Variants in UNC79 observed in about 807,000 individuals in gnomAD.
UNC79 encodes unc-79 subunit of NALCN channel complex.
Under a neutral mutation model 283.1 loss-of-function variants are expected in UNC79, and 37 were observed. The ratio of observed to expected loss-of-function variants is 0.13; its 90% CI spans 0.10 to 0.17. UNC79 has a LOEUF of 0.17. UNC79 is among the 10% of genes least tolerant of loss of function. UNC79 has a pLI of 1.00. For synonymous variants in UNC79, 1,107 were observed against 1,200.2 expected (o/e 0.92, Z 1.61); for missense variants, 2,272 against 3,211.1 (o/e 0.71, Z 7.07).
intron 1 of UNC79, among the ~76,000 whole-genome samples, chr14:93,448,411 A>G (rs1345104935): frequency 6.6e-6 from 1 of 152,078 alleles, no homozygotes; most frequent in Non-Finnish European, 1.5e-5. Context: ...TGAGAGTTTC[A>G]TGCATTGAAA....
chr14:93,611,979 T>C (rs1404404450), intron 26 of UNC79, among the ~76,000 whole-genome samples: 1 of 152,152 alleles, frequency 6.6e-6, no homozygotes, highest in Non-Finnish European at 1.5e-5. Context: ...AGAGACAAGG[T>C]AACTTCTGAC....
chr14:93,377,232 G>A (rs1015621300), intron 1 of UNC79, among the ~76,000 whole-genome samples: 4 of 151,652 alleles, frequency 2.6e-5, no homozygotes, highest in Non-Finnish European at 5.9e-5. Flanking sequence ...TGGGACTACA[G>A]GCGCCCGCCA....
chr14:93,705,143 G>T (rs1418315368), intron 48 of UNC79, among the ~76,000 whole-genome samples: 1 of 151,980 alleles, frequency 6.6e-6, no homozygotes, highest in Non-Finnish European at 1.5e-5. Flanking sequence ...GCTGAGGTGG[G>T]AGGATCACTT....
chr14:93,642,765 G>T (rs192313252), intron 33 of UNC79, among the ~76,000 whole-genome samples: 3 of 152,166 alleles, frequency 2.0e-5, no homozygotes, highest in Admixed American at 2.0e-4. Context: ...TCTTTCTTTG[G>T]CCTATATTTA....
intron 14 of UNC79, among the ~76,000 whole-genome samples, chr14:93,564,481 G>A (rs1465675395): frequency 1.3e-5 from 2 of 152,204 alleles, no homozygotes; most frequent in South Asian, 2.1e-4. Flanking sequence ...GGGGATACCC[G>A]ATATCCTTTG....
At chr14:93,659,805 A>G (rs1566876978) in intron 39 of UNC79, among the ~76,000 whole-genome samples, 1 of 152,216 alleles carries the variant, frequency 6.6e-6, no homozygotes, top group Non-Finnish European at 1.5e-5. Context: ...ATATAATCTT[A>G]TTTAATTTCA....
intron 2 of UNC79, among the ~76,000 whole-genome samples, chr14:93,471,429 G>C (rs2057495508): frequency 6.6e-6 from 1 of 152,162 alleles, no homozygotes; most frequent in South Asian, 2.1e-4. Flanking sequence ...AAAGGGAAAG[G>C]TGAAAAGCTG....
chr14:93,622,651 T>G (rs776694837), exon 30 of UNC79: 3 of 1,614,032 alleles, frequency 1.9e-6, no homozygotes, highest in Admixed American at 1.7e-5. Flanking sequence ...CTGATACCAG[T>G]GCAGAATCTG....
intron 19 of UNC79, among the ~76,000 whole-genome samples, chr14:93,581,316 A>T (rs972118905): frequency 6.7e-6 from 1 of 149,464 alleles, no homozygotes; most frequent in Non-Finnish European, 1.5e-5. Context: ...AACTGGACAC[A>T]GGCATGCCAC....
At position 93,688,676 on chromosome 14, in the gene UNC79, G is replaced by C. The variant is rs752591031; in HGVS notation, c.6921G>C (p.Lys2307Asn). 2.4e-5 allele frequency: 38 copies of C among 1,613,422 alleles called. No individual in the cohort carries two copies. The highest frequency in any genetic ancestry group is 3.1e-5 in the Non-Finnish European group (36 of 1,179,688). The stretch of plus-strand genomic sequence containing the variant: ...ATTCGGTTTTGTAGAGCCACATGAA[G>C]ACATGTTCCCAGCCTCTGCATGAAG... The change falls in exon 44 of 49, where the codon AAG (lysine) becomes AAC (asparagine). Residue 2307 changes from lysine to asparagine, a missense_variant. Lys to Asn is a moderately conservative substitution (Grantham distance 94, BLOSUM62 0). Coordinates refer to ENST00000555664, the Ensembl canonical transcript of UNC79. This position sits in a 1 kb window ranked among gnomAD's most constrained non-coding sequence, Gnocchi z 4.0.
At chr14:93,508,389 A>G (rs1308433578) in intron 7 of UNC79, among the ~76,000 whole-genome samples, 1 of 152,172 alleles carries the variant, frequency 6.6e-6, no homozygotes, top group African/African-American at 2.4e-5. Flanking sequence ...AGCAGCAACA[A>G]CAACAACAAC....
chr14:93,376,752 A>G (rs1473624601), intron 1 of UNC79, among the ~76,000 whole-genome samples: 2 of 151,930 alleles, frequency 1.3e-5, no homozygotes, highest in Non-Finnish European at 2.9e-5. Context: ...GATTGGCTGA[A>G]TCTCAGCTAT....
At chr14:93,629,963 G>A (rs369195588) in intron 30 of UNC79, among the ~76,000 whole-genome samples, 4 of 152,194 alleles carry the variant, frequency 2.6e-5, no homozygotes, top group Admixed American at 6.5e-5. Flanking sequence ...AAACTTTTCA[G>A]CAGGTTTTGA....
chr14:93,544,372 T>C (rs1448946762), intron 14 of UNC79, among the ~76,000 whole-genome samples: 2 of 152,170 alleles, frequency 1.3e-5, no homozygotes, highest in Non-Finnish European at 2.9e-5. Flanking sequence ...TTTAATGCCA[T>C]GGGAGCTGGG....
intron 1 of UNC79, among the ~76,000 whole-genome samples, chr14:93,336,524 G>A (rs1350519996): frequency 6.6e-6 from 1 of 152,076 alleles, no homozygotes; most frequent in African/African-American, 2.4e-5. Flanking sequence ...TGTATTTTTA[G>A]TAGAGACAGG....
At chr14:93,341,353 C>G (rs142686069) in intron 1 of UNC79, among the ~76,000 whole-genome samples, 1 of 151,876 alleles carries the variant, frequency 6.6e-6, no homozygotes, top group South Asian at 2.1e-4. Flanking sequence ...GCTACTCAGG[C>G]GGCTGAGACA....
At chr14:93,357,518 C>G (rs1232738419) in intron 1 of UNC79, among the ~76,000 whole-genome samples, 2 of 151,436 alleles carry the variant, frequency 1.3e-5, no homozygotes, top group Non-Finnish European at 2.9e-5. Flanking sequence ...AGCCTCCCAG[C>G]CTAAATCTTT....
chr14:93,457,954 A>T (rs1008663584), intron 1 of UNC79, among the ~76,000 whole-genome samples: 1 of 152,324 alleles, frequency 6.6e-6, no homozygotes, highest in East Asian at 1.9e-4. Flanking sequence ...ATTGAGGAGG[A>T]TGTCTGATTC....
At chr14:93,519,306 G>T (rs2060213021) in intron 7 of UNC79, among the ~76,000 whole-genome samples, 1 of 151,708 alleles carries the variant, frequency 6.6e-6, no homozygotes, top group Admixed American at 6.6e-5. Flanking sequence ...AGACACTCAA[G>T]CTTTCTTATA....
Sources: gnomAD v4.1 joint callset for allele counts (sites outside exome capture counted in the v4.1 genomes callset) on GRCh38, gnomAD v4.1.1 for gene constraint, Gnocchi (gnomAD v3.1) non-coding constraint, MANE v1.5 for transcripts, NCBI Gene and HGNC (gene_info 2026-07-23, HGNC 2026-07-21) for gene names.